The following CES4A variants were observed in gnomAD, a reference collection of about 807,000 sequenced individuals.
CES4A encodes the protein carboxylesterase 4A.
CES4A carries 48 observed loss-of-function variants against 65.4 expected under a neutral mutation model. The ratio of observed to expected loss-of-function variants is 0.73; its 90% CI spans 0.58 to 0.93. CES4A has a LOEUF of 0.93. Among genes scored for constraint, CES4A ranks in the 40% least tolerant of loss-of-function variants. CES4A has a pLI of 0.00. For missense variants in CES4A, 685 were observed against 728.5 expected (o/e 0.94, Z 0.69); for synonymous variants, 247 against 281.8 (o/e 0.88, Z 1.24).
rs774617986 is a variant in CES4A, at chr16:67,001,049, G to C, written c.536+59G>C. 8.1e-7 allele frequency: 1 copy of C among 1,231,968 alleles called. No homozygotes were observed. Among genetic ancestry groups the C allele is most frequent in the Non-Finnish European group, 1.2e-6 (1 of 858,998 alleles). The allele number at this position is 1,231,968 out of a possible 1,614,324, so 76.3% of individuals were successfully genotyped here. On this transcript the variant is annotated intron_variant, in intron 4 of 13. Coordinates refer to ENST00000648724, the Ensembl canonical transcript of CES4A. The surrounding 1 kb of genome is among the most constrained non-coding windows in gnomAD (Gnocchi z 4.1). ...GTGGCCAGAGCGGCGGGGACTGGGT[G>C]GGAAGGGAGGGGCGGGGCCTGGGGC... is the stretch of plus-strand genomic sequence containing the variant.
chr16:67,008,173 T>A (rs2016519732), intron 13 of CES4A: 1 of 152,196 alleles, frequency 6.6e-6, no homozygotes. Flanking sequence ...TTCTCACCTA[T>A]GCCTCCCAAA....
At chr16:67,006,136 C>T (rs1442566616) in intron 11 of CES4A, 2 of 464,742 alleles carry the variant, frequency 4.3e-6, no homozygotes, top group Non-Finnish European at 7.8e-6. Flanking sequence ...ATGATCCTGG[C>T]CACAATCCTG....
exon 2 of CES4A, chr16:66,995,828 G>A (rs1964801601): frequency 6.2e-7 from 1 of 1,613,210 alleles, no homozygotes. Context: ...CTACCCGCCT[G>A]GGTAAGAGTC....
intron 1 of CES4A, among the ~76,000 whole-genome samples, chr16:66,994,216 T>TTTTTTTTA (rs142836802): frequency 2.8e-5 from 4 of 144,118 alleles, no homozygotes; most frequent in African/African-American, 1.1e-4. Context: ...AGACATAAAT[T>TTTTTTTTA]TTTATTTATT....
intron 9 of CES4A, 22 bp from the exon 10 acceptor site, chr16:67,004,771 G>A: frequency 1.3e-6 from 2 of 1,533,314 alleles, no homozygotes; most frequent in Non-Finnish European, 1.7e-6. Flanking sequence ...GACCCACACT[G>A]GGGTCCTTGT....
In CES4A at chr16:67,000,767, T is replaced by G. The variant is rs914575697; in HGVS notation, c.390T>G (p.Asp130Glu). The G allele has an allele frequency of 3.2e-6, 5 of 1,548,970 alleles. No individual in the cohort carries two copies. The African/African-American group carries it at 5.5e-5, about 17-fold the overall frequency. The change falls in exon 3 of 14, where the codon GAT becomes GAG. Residue 130 changes from aspartate to glutamate, a missense_variant. Physicochemically the swap from Asp to Glu is conservative, Grantham distance 45 (BLOSUM62 2). Coordinates refer to ENST00000648724, the Ensembl canonical transcript of CES4A. This position sits in a 1 kb window ranked among gnomAD's most constrained non-coding sequence, Gnocchi z 4.2. ...ACGCGCCGGCGCGCGCGCCCGGGGATCCCCAGCTGCCAGTGAGTGCCAGGT... is the reference window on the plus strand; with the variant it reads ...ACGCGCCGGCGCGCGCGCCCGGGGAGCCCCAGCTGCCAGTGAGTGCCAGGT...
intron 1 of CES4A, 63 bp from the exon 2 acceptor site, chr16:66,995,565 G>T: frequency 6.9e-7 from 1 of 1,446,280 alleles, no homozygotes; most frequent in Non-Finnish European, 9.7e-7. Context: ...GAGTGGCTGA[G>T]CCAGGGTCCC....
intron 2 of CES4A, among the ~76,000 whole-genome samples, chr16:66,998,695 C>T (rs1440279771): frequency 1.3e-5 from 2 of 152,038 alleles, no homozygotes; most frequent in South Asian, 2.1e-4. Context: ...GGCGAAACCC[C>T]GTCTCTTCTA....
Position 67,004,787 on chromosome 16 carries a change from G to T in CES4A, c.1081-6G>T. 1 of 1,535,994 alleles carries T rather than the reference G, an allele frequency of 6.5e-7. No individual in the cohort carries two copies. Among genetic ancestry groups the T allele is most frequent in the South Asian group, 1.2e-5 (1 of 84,046 alleles). On this transcript the variant is annotated splice_region_variant and splice_polypyrimidine_tract_variant and intron_variant, in intron 9 of 13. Transcript: ENST00000648724. Reference sequence around the variant, plus strand: ...ACCCACACTGGGGTCCTTGTCTTGTGAACAGATCATGAAGTTCCCGCTAAA... The same window carrying T: ...ACCCACACTGGGGTCCTTGTCTTGTTAACAGATCATGAAGTTCCCGCTAAA...
chr16:66,991,830 C>T (rs556901025), intron 1 of CES4A, among the ~76,000 whole-genome samples: 14 of 152,152 alleles, frequency 9.2e-5, no homozygotes, highest in African/African-American at 3.4e-4. Flanking sequence ...TGAGGCTGGG[C>T]GTGGTGGCTC....
At chr16:66,989,585 T>C (rs2145563788) in intron 1 of CES4A, among the ~76,000 whole-genome samples, 1 of 152,146 alleles carries the variant, frequency 6.6e-6, no homozygotes, top group African/African-American at 2.4e-5. Flanking sequence ...TTTTTTAACT[T>C]ACAAGGATAC....
chr16:67,003,471 G>T lies in CES4A; in HGVS notation c.901-44G>T, dbSNP rs142418791. ...CAGGGACCCTGTCTCAAGAGCACACGAGGGAGACTTCCTTTAACTCTGATC... is the reference window on the plus strand; with the variant it reads ...CAGGGACCCTGTCTCAAGAGCACACTAGGGAGACTTCCTTTAACTCTGATC... On this transcript the variant is annotated intron_variant, in intron 7 of 13. Coordinates refer to ENST00000648724, the Ensembl canonical transcript of CES4A. This position sits in a 1 kb window ranked among gnomAD's most constrained non-coding sequence, Gnocchi z 4.2. 1.9e-6 allele frequency: 3 copies of T among 1,602,682 alleles called. No homozygotes were observed. Among genetic ancestry groups the T allele is most frequent in the Non-Finnish European group, 2.6e-6 (3 of 1,169,736 alleles).
chr16:66,995,991 G>C, intron 2 of CES4A, 162 bp downstream of exon 2: 1 of 713,442 alleles, frequency 1.4e-6, no homozygotes, highest in Non-Finnish European at 2.5e-6. Context: ...TGAGCAAACT[G>C]GTCCTGATGG....
At chr16:67,006,939 G>A in intron 13 of CES4A, 122 bp downstream of exon 13, 1 of 832,776 alleles carries the variant, frequency 1.2e-6, no homozygotes, top group Non-Finnish European at 1.9e-6. Flanking sequence ...GGCCCAAACA[G>A]GGTGCCCCTT....
At chr16:66,994,658 G>A (rs1030176589) in intron 1 of CES4A, among the ~76,000 whole-genome samples, 7 of 151,184 alleles carry the variant, frequency 4.6e-5, no homozygotes, top group African/African-American at 7.3e-5. Flanking sequence ...TGGCTAGTAC[G>A]GTGAAACCCC....
chr16:67,004,135 C>A (rs377223381), exon 9 of CES4A: 3 of 1,614,022 alleles, frequency 1.9e-6, no homozygotes, highest in Non-Finnish European at 2.5e-6. Flanking sequence ...CCCAGATGAC[C>A]CTTTGGTGCT....
intron 2 of CES4A, among the ~76,000 whole-genome samples, chr16:66,999,264 A>G (rs936250312): frequency 1.3e-5 from 2 of 152,216 alleles, no homozygotes; most frequent in African/African-American, 4.8e-5. Flanking sequence ...CCTGCGCCCA[A>G]TCAAATGGTC....
At chr16:66,995,482 T>C (rs1964765929) in intron 1 of CES4A, 146 bp from the exon 2 acceptor site, 2 of 685,230 alleles carry the variant, frequency 2.9e-6, no homozygotes, top group Non-Finnish European at 5.2e-6. Context: ...AGGGTCCCAT[T>C]TGTGGCTGAG....
Position 67,003,598 on chromosome 16 carries a change from A to G in CES4A, c.939+45A>G. 6.6e-7 allele frequency: 1 copy of G among 1,506,374 alleles called. No individual in the cohort carries two copies. The highest frequency in any genetic ancestry group is 9.2e-7 in the Non-Finnish European group (1 of 1,082,156). 93.3% of individuals were successfully genotyped at this position (1,506,374 alleles called of 1,614,324 possible). On this transcript the variant is annotated intron_variant, in intron 8 of 13. Coordinates refer to ENST00000648724, the Ensembl canonical transcript of CES4A. The surrounding 1 kb of genome is among the most constrained non-coding windows in gnomAD (Gnocchi z 4.2). ...CAATTTGAGTATTTATTTAACACCT[A>G]CTTTGTGCCAGGCACTTGGGATACT...
Sources: gnomAD v4.1 joint callset for allele counts (sites outside exome capture counted in the v4.1 genomes callset) on GRCh38, gnomAD v4.1.1 for gene constraint, Gnocchi (gnomAD v3.1) non-coding constraint, MANE v1.5 for transcripts, NCBI Gene and HGNC (gene_info 2026-07-23, HGNC 2026-07-21) for gene names.